BMPR1B: variants seen among roughly 807,000 people sequenced by gnomAD.
BMPR1B encodes the protein bone morphogenetic protein receptor type-1B.
Under a neutral mutation model 59.1 loss-of-function variants are expected in BMPR1B, and 12 were observed. The ratio of observed to expected loss-of-function variants is 0.20; its 90% confidence interval spans 0.13 to 0.33. BMPR1B has a LOEUF of 0.33. BMPR1B is among the 10% of genes least tolerant of loss of function. BMPR1B has a pLI of 1.00. For missense variants in BMPR1B, 550 were observed against 610.9 expected (o/e 0.90, Z 1.05); for synonymous variants, 237 against 207.3 (o/e 1.14, Z -1.23).
intron 2 of BMPR1B, among the ~76,000 whole-genome samples, chr4:94,878,603 T>C (rs1294286961): frequency 6.6e-6 from 1 of 152,208 alleles, no homozygotes; most frequent in Non-Finnish European, 1.5e-5. Context: ...TCAGTTTGAT[T>C]ATGTGGCTCC....
chr4:95,057,274 C>A (rs1252057303), intron 3 of BMPR1B, among the ~76,000 whole-genome samples: 4 of 151,916 alleles, frequency 2.6e-5, no homozygotes, highest in African/African-American at 4.8e-5. Flanking sequence ...GAGACAGAAT[C>A]TCACTCTGTC....
At chr4:95,128,094 C>T (rs943069504) in intron 8 of BMPR1B, among the ~76,000 whole-genome samples, 1 of 152,008 alleles carries the variant, frequency 6.6e-6, no homozygotes, top group African/African-American at 2.4e-5. Context: ...CCATGTTGCC[C>T]AGGCTGGTCT....
intron 2 of BMPR1B, among the ~76,000 whole-genome samples, chr4:94,925,123 A>G (rs544886479): frequency 7.2e-5 from 11 of 152,166 alleles, no homozygotes; most frequent in Admixed American, 5.2e-4. Flanking sequence ...AAATTGGTCA[A>G]TCTCCCTCTT....
intron 2 of BMPR1B, among the ~76,000 whole-genome samples, chr4:94,899,752 T>C (rs1284598649): frequency 6.6e-6 from 1 of 152,010 alleles, no homozygotes; most frequent in Non-Finnish European, 1.5e-5. Context: ...AAATTTATTA[T>C]AGCCACTGTC....
At chr4:94,836,726 G>C (rs1208803840) in intron 1 of BMPR1B, among the ~76,000 whole-genome samples, 2 of 147,156 alleles carry the variant, frequency 1.4e-5, no homozygotes. Context: ...CACTCTGATG[G>C]TAGTTTCTTT....
At position 95,016,653 on chromosome 4, in the gene BMPR1B, A is replaced by G. The variant is rs1490048087; in HGVS notation, c.-18+20519A>G. ...AAGGAGAAAGATGGAAGGCTTTAACAAAGTATTTGCGAAGTGTTTTCCACA... is the reference window on the plus strand; with the variant it reads ...AAGGAGAAAGATGGAAGGCTTTAACGAAGTATTTGCGAAGTGTTTTCCACA... On this transcript the variant is annotated intron_variant, in intron 3 of 12. Coordinates refer to ENST00000515059, the MANE Select transcript of BMPR1B (RefSeq NM_001203.3). Among the ~76,000 whole-genome samples, 3 of 152,344 alleles carry G rather than the reference A, an allele frequency of 2.0e-5. No homozygotes were observed. In the South Asian group the frequency reaches 6.2e-4, roughly 32 times the overall value.
At chr4:94,831,255 A>G (rs1375618562) in intron 1 of BMPR1B, among the ~76,000 whole-genome samples, 1 of 150,848 alleles carries the variant, frequency 6.6e-6, no homozygotes, top group Non-Finnish European at 1.5e-5. Flanking sequence ...AAAAAAACGT[A>G]GAAGAAAGCT....
chr4:94,871,672 AT>A, intron 1 of BMPR1B, among the ~76,000 whole-genome samples: 1 of 152,328 alleles, frequency 6.6e-6, no homozygotes, highest in Admixed American at 6.5e-5. Context: ...GATCTTCAAT[AT>A]TCCATTATTT....
intron 10 of BMPR1B, among the ~76,000 whole-genome samples, chr4:95,138,275 A>C (rs1453596968): frequency 6.6e-6 from 1 of 152,144 alleles, no homozygotes; most frequent in East Asian, 1.9e-4. Context: ...CTGAGAGATC[A>C]GCTGTTAGTC....
chr4:94,869,625 G>A (rs1228984545), intron 1 of BMPR1B, among the ~76,000 whole-genome samples: 1 of 151,938 alleles, frequency 6.6e-6, no homozygotes, highest in Non-Finnish European at 1.5e-5. Flanking sequence ...ATGTTAAATG[G>A]GTTCAAAAGG....
rs1185014709 is a variant in BMPR1B at position 95,123,812 on chromosome 4, T to C, written c.352T>C (p.Phe118Leu). Residue 118 changes from phenylalanine to leucine, a missense_variant and splice_region_variant, in exon 7 of 13, where the codon TTT becomes CTT. By Grantham distance (22) the Phe-to-Leu change is conservative (BLOSUM62 0). Coordinates refer to ENST00000515059, the MANE Select transcript of BMPR1B (RefSeq NM_001203.3). ...GCTCTTTTTCTTTTTAATTTCAGAT[T>C]TTGTTGATGGACCTATACACCACAG... ...PTLPPLKNRD[F>L]VDGPIHHRAL... 1.2e-6 allele frequency: 2 copies of C among 1,604,588 alleles called. No homozygotes were observed. Among genetic ancestry groups the C allele is most frequent in the East Asian group, 4.5e-5 (2 of 44,722 alleles).
intron 1 of BMPR1B, among the ~76,000 whole-genome samples, chr4:94,758,502 T>C (rs1327987701): frequency 1.3e-5 from 2 of 151,340 alleles, no homozygotes; most frequent in African/African-American, 2.4e-5. Flanking sequence ...AGTCGCGGAA[T>C]CCGGGAAATG....
At chr4:95,037,816 T>G (rs1725370435) in intron 3 of BMPR1B, among the ~76,000 whole-genome samples, 1 of 151,694 alleles carries the variant, frequency 6.6e-6, no homozygotes, top group Non-Finnish European at 1.5e-5. Flanking sequence ...AAGGAGAGAG[T>G]TTGAAAAAAG....
chr4:94,973,822 A>G (rs142848656), intron 2 of BMPR1B, among the ~76,000 whole-genome samples: 1 of 152,260 alleles, frequency 6.6e-6, no homozygotes, highest in African/African-American at 2.4e-5. Flanking sequence ...ATGATGGTAA[A>G]TGGTAGTGAT....
intron 3 of BMPR1B, among the ~76,000 whole-genome samples, chr4:95,030,936 C>T (rs1316215421): frequency 2.0e-5 from 3 of 152,032 alleles, no homozygotes; most frequent in Non-Finnish European, 4.4e-5. Flanking sequence ...GTGAAAATGG[C>T]CATACTGCCC....
intron 3 of BMPR1B, among the ~76,000 whole-genome samples, chr4:95,081,232 A>C (rs1323309625): frequency 6.6e-6 from 1 of 152,188 alleles, no homozygotes; most frequent in African/African-American, 2.4e-5. Flanking sequence ...ACTGTGAGTC[A>C]GTTAAACCTC....
At chr4:95,067,371 C>T (rs1727900464) in intron 3 of BMPR1B, among the ~76,000 whole-genome samples, 1 of 152,106 alleles carries the variant, frequency 6.6e-6, no homozygotes, top group South Asian at 2.1e-4. Flanking sequence ...TTATCAGTAA[C>T]ACATGATGTG....
At chr4:95,056,482 A>G (rs1303643654) in intron 3 of BMPR1B, among the ~76,000 whole-genome samples, 1 of 152,172 alleles carries the variant, frequency 6.6e-6, no homozygotes, top group Non-Finnish European at 1.5e-5. Context: ...AAGAAGTTTA[A>G]TGGAGACATA....
intron 2 of BMPR1B, among the ~76,000 whole-genome samples, chr4:94,911,549 GT>G (rs754874952): frequency 6.6e-6 from 1 of 152,116 alleles, no homozygotes; most frequent in Non-Finnish European, 1.5e-5. Context: ...AGTAGCTGTG[GT>G]CTTCAGTGTG....
Sources: allele counts gnomAD v4.1 joint callset (sites outside exome capture counted in the v4.1 genomes callset), GRCh38; gene constraint gnomAD v4.1.1; transcripts MANE v1.5; gene names NCBI Gene and HGNC (gene_info 2026-07-23, HGNC 2026-07-21).